The following TM9SF4 variants were observed in gnomAD, a reference collection of about 807,000 sequenced individuals.
TM9SF4 encodes dinucleotide oxidase disulfide thiol exchanger 3 superfamily member 4.
In TM9SF4, 26 loss-of-function variants were observed where a neutral mutation model predicts 90.4. That is an observed-to-expected ratio of 0.29 (90% CI 0.21 to 0.40). The LOEUF is 0.40. Ranked by LOEUF, TM9SF4 falls within the 10% of genes least tolerant of loss-of-function variation. TM9SF4 has a pLI of 1.00. For missense variants in TM9SF4, 549 were observed against 834.8 expected, an observed-to-expected ratio of 0.66 and a Z score of 4.22; for synonymous variants, 293 against 315.4, an observed-to-expected ratio of 0.93 and a Z score of 0.75.
At chr20:32,158,063 G>T in intron 14 of TM9SF4, 94 bp downstream of exon 14, 1 of 1,498,128 alleles carries the variant, frequency 6.7e-7, no homozygotes, top group Non-Finnish European at 9.1e-7. Context: ...AGTTCCTGCC[G>T]CTTCAGCCGG....
At chr20:32,129,351 T>G (rs1383906189) in intron 1 of TM9SF4, among the ~76,000 whole-genome samples, 1 of 151,860 alleles carries the variant, frequency 6.6e-6, no homozygotes, top group East Asian at 1.9e-4. Flanking sequence ...AAAATTGCGG[T>G]GCATGGTGGC....
At chr20:32,143,407 C>T (rs2046710283) in intron 6 of TM9SF4, among the ~76,000 whole-genome samples, 1 of 152,202 alleles carries the variant, frequency 6.6e-6, no homozygotes, top group Non-Finnish European at 1.5e-5. Flanking sequence ...TGGCCAAGAC[C>T]AAACAGCAAG....
At chr20:32,164,333 T>C (rs746267522) in intron 17 of TM9SF4, among the ~76,000 whole-genome samples, 1 of 152,092 alleles carries the variant, frequency 6.6e-6, no homozygotes, top group Non-Finnish European at 1.5e-5. Flanking sequence ...GCCTGGGCAA[T>C]AGAGCAAGAC....
chr20:32,141,588 C>T lies in TM9SF4; in HGVS notation c.321C>T (p.Ser107=). The part of the protein sequence containing the change: ...EKKCEVLCSQ[S]NKPVTLTVEQ... The stretch of plus-strand genomic sequence containing the variant: ...AGTGTGAAGTTCTGTGCAGCCAGTC[C>T]AACAAGCCAGTGACCCTGACAGTGG... The change falls in exon 4 of 18, where the codon TCC becomes TCT. Residue 107 remains serine (S), a synonymous_variant. Coordinates refer to ENST00000398022, the MANE Select transcript of TM9SF4 (RefSeq NM_014742.4). 6.2e-7 allele frequency: 1 copy of T among 1,614,146 alleles called. No individual in the cohort carries two copies. The highest frequency in any genetic ancestry group is 8.5e-7 in the Non-Finnish European group (1 of 1,180,032).
At chr20:32,126,303 C>G (rs1399035231) in intron 1 of TM9SF4, among the ~76,000 whole-genome samples, 1 of 152,140 alleles carries the variant, frequency 6.6e-6, no homozygotes, top group African/African-American at 2.4e-5. Flanking sequence ...CCTTCTGAAT[C>G]AGAATCTGCA....
chr20:32,165,562 C>T lies in TM9SF4; in HGVS notation c.*118C>T. 7.8e-7 allele frequency: 1 copy of T among 1,274,842 alleles called. No individual in the cohort carries two copies. Among genetic ancestry groups the T allele is most frequent in the South Asian group, 1.4e-5 (1 of 73,194 alleles). 79.0% of individuals were successfully genotyped at this position (1,274,842 alleles called of 1,614,324 possible). ...CTCGTTTGGAATGTAACTCCTGGCA[C>T]AGTGTTCCTGGATCCTGGGGCTGCG... On this transcript the variant is annotated 3_prime_UTR_variant, in exon 18 of 18. Transcript: ENST00000398022.
chr20:32,146,871 T>C lies in TM9SF4; in HGVS notation c.954+16T>C, dbSNP rs140146995. The stretch of plus-strand genomic sequence containing the variant: ...GGATGACATTGTACGAGGTCTTGGC[T>C]GGGGAGGGATGAAGTTGGATGGGGA... On this transcript the variant is annotated intron_variant, in intron 9 of 17. Transcript: ENST00000398022. 2.5e-5 allele frequency: 41 copies of C among 1,612,008 alleles called. No individual in the cohort carries two copies. The East Asian group carries it at 8.9e-4, about 35-fold the overall frequency.
At chr20:32,161,510 TCTAGAAGATGGATC>T (rs1159567419) in intron 17 of TM9SF4, 145 bp downstream of exon 17, 1 of 651,584 alleles carries the variant, frequency 1.5e-6, no homozygotes, top group Admixed American at 2.9e-5. Context: ...CTGTTCCTGC[TCTAGAAGATGGATC>T]TTTTTAGGAA....
intron 3 of TM9SF4, chr20:32,136,781 T>A: frequency 2.2e-6 from 1 of 461,116 alleles, no homozygotes; most frequent in Non-Finnish European, 4.6e-6. Flanking sequence ...TATTAGTGCC[T>A]CCTCTGTGAC....
At chr20:32,112,433 T>G (rs1272419101) in intron 1 of TM9SF4, among the ~76,000 whole-genome samples, 1 of 152,082 alleles carries the variant, frequency 6.6e-6, no homozygotes, top group Admixed American at 6.5e-5. Flanking sequence ...CAGTGGCTCA[T>G]GCCTGTAATC....
At chr20:32,163,773 G>A (rs891727680) in intron 17 of TM9SF4, among the ~76,000 whole-genome samples, 4 of 151,762 alleles carry the variant, frequency 2.6e-5, no homozygotes, top group Non-Finnish European at 5.9e-5. Context: ...CACCACGCCC[G>A]GCTAATTTTG....
At chr20:32,118,574 G>T (rs2046259305) in intron 1 of TM9SF4, among the ~76,000 whole-genome samples, 1 of 151,306 alleles carries the variant, frequency 6.6e-6, no homozygotes, top group African/African-American at 2.4e-5. Flanking sequence ...TAGCTACTAT[G>T]CCCAGCCTAA....
At chr20:32,130,985 C>G (rs536250182) in intron 1 of TM9SF4, among the ~76,000 whole-genome samples, 1 of 152,162 alleles carries the variant, frequency 6.6e-6, no homozygotes, top group African/African-American at 2.4e-5. Flanking sequence ...TTCTGCAAAT[C>G]TAAATTTACT....
chr20:32,112,492 TCAA>T (rs2046158140), intron 1 of TM9SF4, among the ~76,000 whole-genome samples: 1 of 151,854 alleles, frequency 6.6e-6, no homozygotes, highest in African/African-American at 2.4e-5. Flanking sequence ...GGCCAGGAGT[TCAA>T]CACCAGCCTG....
chr20:32,115,042 C>T (rs2046199707), intron 1 of TM9SF4, among the ~76,000 whole-genome samples: 1 of 152,174 alleles, frequency 6.6e-6, no homozygotes, highest in South Asian at 2.1e-4. Flanking sequence ...TGATGATGGT[C>T]ACTGTGATCT....
intron 1 of TM9SF4, 28 bp from the exon 2 acceptor site, chr20:32,132,985 A>T: frequency 6.2e-7 from 1 of 1,605,712 alleles, no homozygotes; most frequent in Non-Finnish European, 8.5e-7. Context: ...CTTCTCCCCA[A>T]TCCAACCCTG....
At chr20:32,121,499 C>T (rs2046306349) in intron 1 of TM9SF4, among the ~76,000 whole-genome samples, 1 of 151,444 alleles carries the variant, frequency 6.6e-6, no homozygotes, top group Admixed American at 6.6e-5. Context: ...GCACATGTTT[C>T]AGAGAGCACA....
At chr20:32,119,890 A>G (rs1272154709) in intron 1 of TM9SF4, among the ~76,000 whole-genome samples, 1 of 152,172 alleles carries the variant, frequency 6.6e-6, no homozygotes, top group African/African-American at 2.4e-5. Context: ...CCAGTGGTCC[A>G]AGCACTATGT....
At chr20:32,154,550 T>G (rs1600334101) in intron 12 of TM9SF4, among the ~76,000 whole-genome samples, 1 of 151,846 alleles carries the variant, frequency 6.6e-6, no homozygotes, top group Admixed American at 6.6e-5. Flanking sequence ...GCCTCCCGGG[T>G]TCAAGCAATT....
Sources: gnomAD v4.1 joint callset for allele counts (sites outside exome capture counted in the v4.1 genomes callset) on GRCh38, gnomAD v4.1.1 for gene constraint, MANE v1.5 for transcripts, NCBI Gene and HGNC (gene_info 2026-07-23, HGNC 2026-07-21) for gene names.